The following PRDX2 variants were observed in gnomAD, a reference collection of about 807,000 sequenced individuals.
The protein encoded by PRDX2 is peroxiredoxin 2.
PRDX2 carries 10 observed loss-of-function variants against 19.8 expected under a neutral mutation model. The ratio of observed to expected loss-of-function variants is 0.50; its 90% CI spans 0.31 to 0.86. PRDX2 has a LOEUF of 0.86. Among genes scored for constraint, PRDX2 ranks in the 40% least tolerant of loss-of-function variants. The pLI is 0.04. For missense variants in PRDX2, 226 were observed against 260.1 expected (o/e 0.87, Z 0.90); for synonymous variants, 118 against 108.2 (o/e 1.09, Z -0.56).
intron 5 of PRDX2, among the ~76,000 whole-genome samples, chr19:12,798,459 C>A (rs1968832068): frequency 6.6e-6 from 1 of 151,908 alleles, no homozygotes; most frequent in Non-Finnish European, 1.5e-5. Flanking sequence ...TCAAACGATT[C>A]TCTTGCCTCA....
chr19:12,799,623 G>A, intron 5 of PRDX2: 2 of 383,792 alleles, frequency 5.2e-6, no homozygotes, highest in East Asian at 5.9e-5. Flanking sequence ...GCTTCCCAAA[G>A]TGCTGGCAAT....
At chr19:12,800,861 A>T in intron 3 of PRDX2, 55 bp downstream of exon 3, 2 of 1,563,762 alleles carry the variant, frequency 1.3e-6, no homozygotes, top group Non-Finnish European at 1.7e-6. Flanking sequence ...CCACACTGCT[A>T]GGACCTGAGG....
At chr19:12,797,656 C>CTTTCTTTTTTTTTTTTTTTT (rs1321932913) in intron 5 of PRDX2, among the ~76,000 whole-genome samples, 3 of 113,062 alleles carry the variant, frequency 2.7e-5, no homozygotes, top group African/African-American at 3.6e-5. Flanking sequence ...TTCTTTCTTT[C>CTTTCTTTTTTTTTTTTTTTT]TTTTTTTTTT....
At chr19:12,800,017 A>G in intron 4 of PRDX2, 28 bp from the exon 5 acceptor site, 2 of 1,611,110 alleles carry the variant, frequency 1.2e-6, no homozygotes, top group Non-Finnish European at 1.7e-6. Flanking sequence ...CCCAGTGAGG[A>G]GCTGATAGCT....
chr19:12,801,011 C>T lies in PRDX2; in HGVS notation c.162G>A (p.Glu54=). ...CTGCACGGTTGCTGAACGCGATGAT[C>T]TCGGTGGGGCACACAAAAGTGAAGT... ...PLDFTFVCPT[E]IIAFSNRAED... Residue 54 remains glutamate (E), a synonymous_variant, in exon 3 of 6, where the codon GAG becomes GAA. Coordinates refer to ENST00000301522, the MANE Select transcript of PRDX2 (RefSeq NM_005809.6). The T allele has an allele frequency of 1.2e-6, 2 of 1,612,354 alleles. No individual in the cohort carries two copies. Among genetic ancestry groups the T allele is most frequent in the Non-Finnish European group, 1.7e-6 (2 of 1,179,376 alleles).
chr19:12,801,148 G>A lies in PRDX2; in HGVS notation c.103+11C>T. ...CCGCTTCTACCTGGGCCCCCTCCGG[G>A]CGGCGCTCACCTTTGTAGTCCGACA... is the stretch of plus-strand genomic sequence containing the variant. On this transcript the variant is annotated intron_variant, in intron 2 of 5. Coordinates refer to ENST00000301522, the MANE Select transcript of PRDX2 (RefSeq NM_005809.6). The A allele has an allele frequency of 6.2e-7, 1 of 1,613,970 alleles. No homozygotes were observed.
chr19:12,797,233 G>A lies in PRDX2; in HGVS notation c.512-67C>T. 1.2e-5 allele frequency: 17 copies of A among 1,385,300 alleles called. 1 individual carries two copies. The South Asian group carries it at 1.7e-4, about 14-fold the overall frequency. The allele number at this position is 1,385,300 out of a possible 1,614,324, so 85.8% of individuals were successfully genotyped here. On this transcript the variant is annotated intron_variant, in intron 5 of 5. Transcript: ENST00000301522. ...AGGTTCAAGGTGAAGCAAAGCAAGG[G>A]CCTGTGTTGCAGAAGAAAATGCTGG... is the stretch of plus-strand genomic sequence containing the variant.
Position 12,800,245 on chromosome 19 carries a change from A to G in PRDX2, c.312T>C (p.Leu104=). The G allele has an allele frequency of 6.2e-7, 1 of 1,613,784 alleles. No homozygotes were observed. The highest frequency in any genetic ancestry group is 8.5e-7 in the Non-Finnish European group (1 of 1,179,944). Residue 104 remains leucine, a synonymous_variant, in exon 4 of 6, where the codon CTT becomes CTC. Coordinates refer to ENST00000301522, the MANE Select transcript of PRDX2 (RefSeq NM_005809.6). The part of the protein sequence containing the change: ...GGLGPLNIPL[L]ADVTRRLSED... ...CAGACAAGCGTCTGGTCACGTCAGCAAGCAGGGGGATGTTCAGGGGGCCCA... is the reference window on the plus strand; with the variant it reads ...CAGACAAGCGTCTGGTCACGTCAGCGAGCAGGGGGATGTTCAGGGGGCCCA...
At chr19:12,800,677 A>C (rs1363098640) in intron 3 of PRDX2, 8 of 1,444,754 alleles carry the variant, frequency 5.5e-6, no homozygotes, top group Non-Finnish European at 7.3e-6. Context: ...CTGGGAACTA[A>C]GTACATAGAG....
In PRDX2 at chr19:12,800,625, G is replaced by C. The variant is rs1317722180; in HGVS notation, c.257+291C>G. ...GTACAGCCCTTCACTTCGGTGAACTGGAGTTTCCATCTTCATGAAATAGGG... is the reference window on the plus strand; with the variant it reads ...GTACAGCCCTTCACTTCGGTGAACTCGAGTTTCCATCTTCATGAAATAGGG... On this transcript the variant is annotated intron_variant, in intron 3 of 5. Transcript: ENST00000301522. 9.9e-6 allele frequency: 13 copies of C among 1,306,588 alleles called. No homozygotes were observed. In the African/African-American group the frequency reaches 1.9e-4, roughly 19 times the overall value. The allele number at this position is 1,306,588 out of a possible 1,614,324, so 80.9% of individuals were successfully genotyped here.
chr19:12,799,541 G>A (rs187216502), intron 5 of PRDX2: 4 of 225,110 alleles, frequency 1.8e-5, no homozygotes, highest in East Asian at 1.1e-4. Context: ...TGTGTTCTTC[G>A]TAGAGACGGG....
chr19:12,799,865 C>T lies in PRDX2; in HGVS notation c.505G>A (p.Gly169Arg). 1 of 1,612,236 alleles carries T rather than the reference C, an allele frequency of 6.2e-7. No homozygotes were observed. The highest frequency in any genetic ancestry group is 8.5e-7 in the Non-Finnish European group (1 of 1,179,760). ...VQAFQYTDEH[G>R]EVCPAGWKPG... Reference sequence around the variant, plus strand: ...CATGTGTGTATCTGCTCACCTTCCCCATGCTCGTCTGTGTACTGGAAGGCC... The same window carrying T: ...CATGTGTGTATCTGCTCACCTTCCCTATGCTCGTCTGTGTACTGGAAGGCC... Residue 169 changes from glycine (G) to arginine (R), a missense_variant, in exon 5 of 6, where the codon GGG (glycine) becomes AGG (arginine). Gly to Arg is a moderately radical substitution (Grantham distance 125). Coordinates refer to ENST00000301522, the MANE Select transcript of PRDX2 (RefSeq NM_005809.6).
intron 5 of PRDX2, 21 bp downstream of exon 5, chr19:12,799,838 G>A: frequency 1.9e-6 from 3 of 1,610,930 alleles, no homozygotes; most frequent in Non-Finnish European, 2.5e-6. Flanking sequence ...GTACCCATGT[G>A]TCATGTGTGT....
chr19:12,797,638 C>A (rs1439644061), intron 5 of PRDX2, among the ~76,000 whole-genome samples: 1 of 144,256 alleles, frequency 6.9e-6, no homozygotes, highest in Non-Finnish European at 1.5e-5. Context: ...TTTTTCTTTT[C>A]TTCTTTTTTC....
chr19:12,797,385 CA>C (rs906017925), intron 5 of PRDX2, among the ~76,000 whole-genome samples: 1 of 150,728 alleles, frequency 6.6e-6, no homozygotes, highest in Non-Finnish European at 1.5e-5. Context: ...AGTACAGTAG[CA>C]TGATCTGAGC....
At chr19:12,798,780 C>G (rs911648890) in intron 5 of PRDX2, among the ~76,000 whole-genome samples, 1 of 151,728 alleles carries the variant, frequency 6.6e-6, no homozygotes, top group Non-Finnish European at 1.5e-5. Flanking sequence ...GCCTCACTCT[C>G]CAGAGTAGGT....
At chr19:12,797,417 G>A (rs77309977) in intron 5 of PRDX2, among the ~76,000 whole-genome samples, 10,565 of 150,658 alleles carry the variant, frequency 0.07, 629 homozygotes, top group African/African-American at 0.16. Context: ...TCTCCCTCCT[G>A]GGTTCAAGCG....
intron 5 of PRDX2, among the ~76,000 whole-genome samples, chr19:12,797,402 C>A (rs1003011698): frequency 6.6e-6 from 1 of 150,964 alleles, no homozygotes; most frequent in Non-Finnish European, 1.5e-5. Context: ...TGAGCTCATG[C>A]AACCTCTCCC....
rs769781174 is a variant in PRDX2, at chr19:12,799,954, C to T, written c.416G>A (p.Arg139His). The change falls in exon 5 of 6, where the codon CGC becomes CAC. Residue 139 changes from arginine (R) to histidine (H), a missense_variant. Arg to His is a conservative substitution (Grantham distance 29). Coordinates refer to ENST00000301522, the MANE Select transcript of PRDX2 (RefSeq NM_005809.6). The stretch of plus-strand genomic sequence containing the variant: ...AGGCAAATCATTAACAGTGATCTGG[C>T]GAAGGACACCCTTGCCATCGATGAT... ...LFIIDGKGVLRQITVNDLPVG... is the reference protein window; with the variant it reads ...LFIIDGKGVLHQITVNDLPVG... The T allele has an allele frequency of 2.7e-5, 43 of 1,613,824 alleles. No individual in the cohort carries two copies. Among genetic ancestry groups the T allele is most frequent in the Non-Finnish European group, 3.4e-5 (40 of 1,179,942 alleles).
Sources: gnomAD v4.1 joint callset for allele counts (sites outside exome capture counted in the v4.1 genomes callset) on GRCh38, gnomAD v4.1.1 for gene constraint, MANE v1.5 for transcripts, NCBI Gene and HGNC (gene_info 2026-07-23, HGNC 2026-07-21) for gene names.